The following PLSCR2 variants were observed in gnomAD, a reference collection of about 807,000 sequenced individuals.
The protein encoded by PLSCR2 is PL scramblase 2.
Under a neutral mutation model 25.3 loss-of-function variants are expected in PLSCR2, and 18 were observed. The ratio of observed to expected loss-of-function variants is 0.71; its 90% confidence interval spans 0.49 to 1.06. The LOEUF (loss-of-function observed/expected upper bound fraction) is 1.06, where lower values mean the gene tolerates loss of function less well. Among genes scored for constraint, PLSCR2 ranks in the 50% least tolerant of loss-of-function variants. The pLI is 0.00. For missense variants in PLSCR2, 243 were observed against 269.5 expected (o/e 0.90, Z 0.69); for synonymous variants, 88 against 87.3 (o/e 1.01, Z -0.04).
At chr3:146,394,853 C>A (rs1011162749) in intron 3 of PLSCR2, among the ~76,000 whole-genome samples, 4 of 152,138 alleles carry the variant, frequency 2.6e-5, no homozygotes, top group African/African-American at 4.8e-5. Context: ...GGGGCAGTTT[C>A]CTCCAGGCTG....
chr3:146,430,979 C>T (rs1473995723), downstream of PLSCR2, among the ~76,000 whole-genome samples: 3 of 152,184 alleles, frequency 2.0e-5, no homozygotes, highest in Non-Finnish European at 4.4e-5. Context: ...GTTACAACCA[C>T]CCCACAGTGA....
chr3:146,469,170 G>C lies in PLSCR2; in HGVS notation c.-292-8886C>G, dbSNP rs868801728. On this transcript the variant is annotated intron_variant, in intron 1 of 8. Coordinates refer to the PLSCR2 transcript ENST00000336685. Reference sequence around the variant, plus strand: ...TAATAGCCCCACTATGCTGGCACATGCTCCTGAGCCCAGACTCTGCCCAGG... The same window carrying C: ...TAATAGCCCCACTATGCTGGCACATCCTCCTGAGCCCAGACTCTGCCCAGG... 4 of 985,364 alleles carry C rather than the reference G, an allele frequency of 4.1e-6. No individual in the cohort carries two copies. The Middle Eastern group carries it at 1.5e-3, about 382-fold the overall frequency. 61.0% of individuals were successfully genotyped at this position (985,364 alleles called of 1,614,324 possible).
chr3:146,411,755 GGA>G (rs561388280), intron 2 of PLSCR2, among the ~76,000 whole-genome samples: 100 of 152,330 alleles, frequency 6.6e-4, no homozygotes, highest in African/African-American at 2.3e-3. Flanking sequence ...TTTAGAAAGG[GGA>G]GGGGGTCTAG....
chr3:146,413,821 C>T (rs986218547), intron 2 of PLSCR2, among the ~76,000 whole-genome samples: 2 of 152,226 alleles, frequency 1.3e-5, no homozygotes, highest in Non-Finnish European at 2.9e-5. Context: ...CTTTTTCTAG[C>T]TTGCTTCTCC....
chr3:146,477,031 C>T (rs1009236511), intron 1 of PLSCR2, among the ~76,000 whole-genome samples: 5 of 152,192 alleles, frequency 3.3e-5, no homozygotes, highest in African/African-American at 4.8e-5. Flanking sequence ...AAGTGGGTCT[C>T]GGATCTCATG....
intron 2 of PLSCR2, among the ~76,000 whole-genome samples, chr3:146,409,852 G>T (rs1472199022): frequency 6.6e-6 from 1 of 152,056 alleles, no homozygotes; most frequent in Admixed American, 6.6e-5. Context: ...CTCACTCCCT[G>T]GGGGGCTGGA....
At chr3:146,393,593 G>A (rs996350398) in intron 3 of PLSCR2, among the ~76,000 whole-genome samples, 1 of 151,518 alleles carries the variant, frequency 6.6e-6, no homozygotes, top group Admixed American at 6.6e-5. Context: ...GGCAGATCAC[G>A]AGGTCAAGAG....
chr3:146,470,247 G>T (rs891597181), intron 1 of PLSCR2, among the ~76,000 whole-genome samples: 1 of 152,040 alleles, frequency 6.6e-6, no homozygotes, highest in Non-Finnish European at 1.5e-5. Context: ...ATATTGCACT[G>T]ACGTTTCTAC....
At chr3:146,477,960 C>A (rs1467848811) in intron 1 of PLSCR2, among the ~76,000 whole-genome samples, 5 of 152,202 alleles carry the variant, frequency 3.3e-5, no homozygotes, top group Non-Finnish European at 4.4e-5. Context: ...AATACCCAGG[C>A]AAACAGCGTC....
At chr3:146,413,500 A>G (rs1329715000) in intron 2 of PLSCR2, among the ~76,000 whole-genome samples, 1 of 152,144 alleles carries the variant, frequency 6.6e-6, no homozygotes, top group African/African-American at 2.4e-5. Flanking sequence ...TTTGCATAGA[A>G]ATTCCTTCTG....
downstream of PLSCR2, among the ~76,000 whole-genome samples, chr3:146,437,679 C>A (rs1393091721): frequency 1.3e-5 from 2 of 151,858 alleles, no homozygotes; most frequent in African/African-American, 2.4e-5. Flanking sequence ...CTTTATTAGT[C>A]TTGGTAGTCA....
At chr3:146,454,746 G>A (rs918578178) in intron 4 of PLSCR2, among the ~76,000 whole-genome samples, 5 of 152,084 alleles carry the variant, frequency 3.3e-5, no homozygotes, top group Admixed American at 1.3e-4. Context: ...AGATATGTAC[G>A]TTTTTATTTT....
chr3:146,457,816 G>A (rs1179799153), intron 3 of PLSCR2, among the ~76,000 whole-genome samples: 1 of 152,186 alleles, frequency 6.6e-6, no homozygotes, highest in Non-Finnish European at 1.5e-5. Context: ...GCAAAAGTAA[G>A]TCTTGGCTGT....
intron 2 of PLSCR2, among the ~76,000 whole-genome samples, chr3:146,423,663 G>A (rs1219869300): frequency 6.6e-6 from 1 of 152,102 alleles, no homozygotes; most frequent in East Asian, 1.9e-4. Flanking sequence ...AAAATAGGTA[G>A]ATTATCCTGC....
rs1170605010 is a variant in PLSCR2, at chr3:146,469,601, C to CG, written c.-292-9318dup. The CG allele has an allele frequency of 6.1e-6, 6 of 984,456 alleles. No individual in the cohort carries two copies. The East Asian group carries it at 5.7e-4, about 93-fold the overall frequency. 61.0% of individuals were successfully genotyped at this position (984,456 alleles called of 1,614,324 possible). A position where few individuals can be genotyped will look rare whatever the true frequency, so the allele number is the denominator to read the frequency against. ...AGGCACACCTGTTGCACAGCCCTCCCGGAAGTCGGCGGAAAAGGGGCCTGG... is the reference window on the plus strand; with the variant it reads ...AGGCACACCTGTTGCACAGCCCTCCCGGGAAGTCGGCGGAAAAGGGGCCTGG... On this transcript the variant is annotated intron_variant, in intron 1 of 8. Coordinates refer to the PLSCR2 transcript ENST00000336685.
upstream of PLSCR2, among the ~76,000 whole-genome samples, chr3:146,462,452 T>G (rs1001715715): frequency 6.1e-5 from 8 of 131,014 alleles, no homozygotes; most frequent in East Asian, 1.8e-3. Flanking sequence ...TTTTTTCTTT[T>G]TCTTTTCTTT....
exon 4 of PLSCR2, chr3:146,455,290 C>T (rs2041144145): frequency 6.2e-7 from 1 of 1,613,892 alleles, no homozygotes; most frequent in Non-Finnish European, 8.5e-7. Context: ...GTGGTCTTTC[C>T]AGAGTTATGA....
At chr3:146,404,596 A>T (rs1459322574) in intron 2 of PLSCR2, among the ~76,000 whole-genome samples, 1 of 152,192 alleles carries the variant, frequency 6.6e-6, no homozygotes, top group African/African-American at 2.4e-5. Flanking sequence ...TGCAAAATAC[A>T]TTCATTCCAC....
intron 1 of PLSCR2, among the ~76,000 whole-genome samples, chr3:146,485,472 C>G (rs1463907876): frequency 6.6e-6 from 1 of 152,116 alleles, no homozygotes; most frequent in East Asian, 1.9e-4. Flanking sequence ...CTACAGAACT[C>G]TCCACCCCAA....
Sources: gnomAD v4.1 joint callset for allele counts (sites outside exome capture counted in the v4.1 genomes callset) on GRCh38, gnomAD v4.1.1 for gene constraint, MANE v1.5 for transcripts, NCBI Gene and HGNC (gene_info 2026-07-23, HGNC 2026-07-21) for gene names.